Variants in ZSWIM8 observed in about 807,000 individuals in gnomAD.
The protein encoded by ZSWIM8 is zinc finger SWIM-type containing 8.
In ZSWIM8, 27 loss-of-function variants were observed where a neutral mutation model predicts 173.7. That is an observed-to-expected ratio of 0.16 (90% CI 0.11 to 0.21). The LOEUF is 0.21. ZSWIM8 is among the 10% of genes least tolerant of loss of function. The pLI is 1.00. For synonymous variants in ZSWIM8, 958 were observed against 962.0 expected (o/e 1.00, Z 0.08); for missense variants, 1,627 against 2,428.8 (o/e 0.67, Z 6.94).
chr10:73,787,239 C>G (rs1393049581), intron 1 of ZSWIM8, among the ~76,000 whole-genome samples: 1 of 152,142 alleles, frequency 6.6e-6, no homozygotes, highest in Admixed American at 6.5e-5. Context: ...CCACCGCTCC[C>G]GGCATATATA....
Position 73,798,330 on chromosome 10 carries a change from A to G in ZSWIM8, c.4053A>G (p.Ala1351=). ...AGGTTGCATCCCTGGCTGACAGGGC[A>G]TCACGGGCAAGAGACTCCAATATGG... ...PPEVASLADR[A]SRARDSNMVR... The change falls in exon 20 of 26, where the codon GCA becomes GCG. Residue 1351 remains alanine, a synonymous_variant. Transcript: ENST00000604729. The G allele has an allele frequency of 6.2e-7, 1 of 1,614,050 alleles. No homozygotes were observed. Among genetic ancestry groups the G allele is most frequent in the Non-Finnish European group, 8.5e-7 (1 of 1,179,900 alleles).
At chr10:73,795,485 C>T in intron 14 of ZSWIM8, 54 bp from the exon 15 acceptor site, 1 of 1,605,006 alleles carries the variant, frequency 6.2e-7, no homozygotes, top group Admixed American at 1.7e-5. Flanking sequence ...CTTACCTTTG[C>T]TGTCTTGGGA....
chr10:73,800,915 G>C lies in ZSWIM8; in HGVS notation c.5123-102G>C. The C allele has an allele frequency of 7.6e-7, 1 of 1,314,110 alleles. No homozygotes were observed. Among genetic ancestry groups the C allele is most frequent in the African/African-American group, 1.5e-5 (1 of 68,554 alleles). The allele number at this position is 1,314,110 out of a possible 1,614,324, so 81.4% of individuals were successfully genotyped here. A position where few individuals can be genotyped will look rare whatever the true frequency, so the allele number is the denominator to read the frequency against. On this transcript the variant is annotated intron_variant, in intron 24 of 25. Transcript: ENST00000604729. This position sits in a 1 kb window ranked among gnomAD's most constrained non-coding sequence, Gnocchi z 4.1. ...GCGGAGGGTTACCTCAGCTCCTGGG[G>C]TGGAGGGAGGCTCTCTGCCAGGCCA...
intron 20 of ZSWIM8, among the ~76,000 whole-genome samples, 200 bp from the exon 21 acceptor site, chr10:73,798,802 G>A (rs1198338882): frequency 6.6e-6 from 1 of 152,178 alleles, no homozygotes; most frequent in African/African-American, 2.4e-5. Flanking sequence ...ACTATAACCT[G>A]GGTCTTGACT....
chr10:73,785,671 A>G lies in ZSWIM8; in HGVS notation c.-208A>G, dbSNP rs764374768. The G allele has an allele frequency of 6.2e-6, 4 of 646,196 alleles. No individual in the cohort carries two copies. Among genetic ancestry groups the G allele is most frequent in the South Asian group, 6.2e-5 (4 of 64,900 alleles). 40.0% of individuals were successfully genotyped at this position (646,196 alleles called of 1,614,324 possible). A position where few individuals can be genotyped will look rare whatever the true frequency, so the allele number is the denominator to read the frequency against. On this transcript the variant is annotated 5_prime_UTR_variant, in exon 1 of 26. Transcript: ENST00000604729. ...CCCTAAGTCTCGGAGACTGGCCAAGATCACCGCTTGCACCGCGCTGTTGGG... is the reference window on the plus strand; with the variant it reads ...CCCTAAGTCTCGGAGACTGGCCAAGGTCACCGCTTGCACCGCGCTGTTGGG...
rs1367967173 is a variant in ZSWIM8, at chr10:73,792,813, T to A, written c.2274T>A (p.Phe758Leu). Residue 758 changes from phenylalanine to leucine, a missense_variant, in exon 10 of 26, where the codon TTT becomes TTA. Phe to Leu is a conservative substitution (Grantham distance 22). Coordinates refer to ENST00000604729, the MANE Select transcript of ZSWIM8 (RefSeq NM_001367799.1). This position sits in a 1 kb window ranked among gnomAD's most constrained non-coding sequence, Gnocchi z 4.3. ...GGGCTGGGGAGGAGCACGACCTGTT[T>A]GCTGGGCTGAAGCCACTGGAACAGG... ...EGGAGEEHDL[F>L]AGLKPLEQES... 1 of 1,594,816 alleles carries A rather than the reference T, an allele frequency of 6.3e-7. No homozygotes were observed. The highest frequency in any genetic ancestry group is 8.5e-7 in the Non-Finnish European group (1 of 1,174,694).
In ZSWIM8 at chr10:73,794,137, G is replaced by A; in HGVS notation, c.2626-10G>A. 8.7e-6 allele frequency: 14 copies of A among 1,613,752 alleles called. No homozygotes were observed. The highest frequency in any genetic ancestry group is 4.0e-5 in the African/African-American group (3 of 75,036). On this transcript the variant is annotated splice_polypyrimidine_tract_variant and intron_variant, in intron 12 of 25. Coordinates refer to ENST00000604729, the MANE Select transcript of ZSWIM8 (RefSeq NM_001367799.1). ...ACACCAGAGGTCTGAGCTCCTTCCT[G>A]TGCCCTCAGGTGAAGCTGGCATACC... is the stretch of plus-strand genomic sequence containing the variant.
chr10:73,799,898 GC>G, intron 21 of ZSWIM8, 112 bp from the exon 22 acceptor site: 1 of 1,100,984 alleles, frequency 9.1e-7, no homozygotes, highest in Non-Finnish European at 1.3e-6. Flanking sequence ...GGAGGACAGA[GC>G]GAGACTCTAT....
chr10:73,786,211 T>C, intron 1 of ZSWIM8, 125 bp downstream of exon 1: 1 of 1,127,136 alleles, frequency 8.9e-7, no homozygotes, highest in Admixed American at 3.2e-5. Context: ...AGGGGAGCTG[T>C]CCCCGGCCGG....
chr10:73,790,010 G>A lies in ZSWIM8; in HGVS notation c.793G>A (p.Ala265Thr), dbSNP rs757724803. 4.3e-6 allele frequency: 7 copies of A among 1,613,158 alleles called. 1 individual carries two copies. The highest frequency in any genetic ancestry group is 5.9e-6 in the Non-Finnish European group (7 of 1,179,638). ...LDELLSSQST[A>T]INTVCGAPDP... ...CGAACTCCTGTCTTCCCAGTCAACAGCCATCAATACAGTGTGTGGAGCTCC... is the reference window on the plus strand; with the variant it reads ...CGAACTCCTGTCTTCCCAGTCAACAACCATCAATACAGTGTGTGGAGCTCC... Residue 265 changes from alanine (A) to threonine (T), a missense_variant, in exon 6 of 26, where the codon GCC becomes ACC. Physicochemically the swap from Ala to Thr is moderately conservative, Grantham distance 58. Coordinates refer to ENST00000604729, the MANE Select transcript of ZSWIM8 (RefSeq NM_001367799.1).
chr10:73,791,931 C>T lies in ZSWIM8; in HGVS notation c.1392C>T (p.His464=), dbSNP rs367735436. 8.4e-6 allele frequency: 13 copies of T among 1,551,960 alleles called. No homozygotes were observed. The African/African-American group carries it at 1.5e-4, about 18-fold the overall frequency. The change falls in exon 10 of 26, where the codon CAC becomes CAT. Residue 464 remains histidine (H), a synonymous_variant. Coordinates refer to ENST00000604729, the MANE Select transcript of ZSWIM8 (RefSeq NM_001367799.1). The surrounding 1 kb of genome is among the most constrained non-coding windows in gnomAD (Gnocchi z 6.0). ...KVIENVKRGQ[H]KKTLERLFPG... is the part of the protein sequence containing the mutation. The stretch of plus-strand genomic sequence containing the variant: ...TTGAGAACGTCAAGCGGGGCCAACA[C>T]AAGAAGACGCTGGAGCGGCTCTTCC...
chr10:73,792,466 A>C lies in ZSWIM8; in HGVS notation c.1927A>C (p.Ser643Arg), dbSNP rs1316407859. Residue 643 changes from serine to arginine, a missense_variant, in exon 10 of 26, where the codon AGC becomes CGC. Transcript: ENST00000604729. The surrounding 1 kb of genome is among the most constrained non-coding windows in gnomAD (Gnocchi z 4.3). ...CAGCACCTTCGGGGGATTCCCTGAG[A>C]GCCCTCCACCCTGTCCTCTCCACGG... is the stretch of plus-strand genomic sequence containing the variant. ...EASTFGGFPE[S>R]PPPCPLHGGS... is the part of the protein sequence containing the mutation. 1.2e-6 allele frequency: 2 copies of C among 1,610,254 alleles called. No homozygotes were observed. The highest frequency in any genetic ancestry group is 1.7e-6 in the Non-Finnish European group (2 of 1,178,254).
rs755751007 is a variant in ZSWIM8 at position 73,793,686 on chromosome 10, A to C, written c.2412A>C (p.Pro804=). ...VELAQDLLAN[P]PDLKVEPPPA... ...TTGCCCAGGATCTGCTAGCCAACCC[A>C]CCCGACCTCAAGGTAGAGCCGCCCC... is the stretch of plus-strand genomic sequence containing the variant. The change falls in exon 11 of 26, where the codon CCA becomes CCC. Residue 804 remains proline (P), a synonymous_variant. Transcript: ENST00000604729. 3 of 1,612,956 alleles carry C rather than the reference A, an allele frequency of 1.9e-6. No individual in the cohort carries two copies. The highest frequency in any genetic ancestry group is 2.5e-6 in the Non-Finnish European group (3 of 1,179,504).
At chr10:73,796,716 A>C in intron 15 of ZSWIM8, 58 bp from the exon 16 acceptor site, 1 of 1,594,320 alleles carries the variant, frequency 6.3e-7, no homozygotes, top group Non-Finnish European at 8.5e-7. Context: ...AATAGAAGTC[A>C]GGAGCTAAAG....
In ZSWIM8 at chr10:73,785,856, C is replaced by A. The variant is rs1358693831; in HGVS notation, c.-23C>A. The A allele has an allele frequency of 5.4e-6, 8 of 1,477,720 alleles. No individual in the cohort carries two copies. In the East Asian group the frequency reaches 2.1e-4, roughly 38 times the overall value. 91.5% of individuals were successfully genotyped at this position (1,477,720 alleles called of 1,614,324 possible). ...GGCCCCGGATCCGCGGGGGGGGACC[C>A]GGCCCCGGGGGGTGCGGGCCCCATG... is the stretch of plus-strand genomic sequence containing the variant. On this transcript the variant is annotated 5_prime_UTR_variant, in exon 1 of 26. Coordinates refer to ENST00000604729, the MANE Select transcript of ZSWIM8 (RefSeq NM_001367799.1).
chr10:73,795,286 G>T (rs1281950755), intron 14 of ZSWIM8, among the ~76,000 whole-genome samples: 2 of 152,230 alleles, frequency 1.3e-5, no homozygotes, highest in African/African-American at 4.8e-5. Flanking sequence ...TCATGAGAAT[G>T]AGGAGGCCAG....
Position 73,789,034 on chromosome 10 carries a change from C to CT in ZSWIM8, c.363-61dup. On this transcript the variant is annotated intron_variant, in intron 2 of 25. Coordinates refer to ENST00000604729, the MANE Select transcript of ZSWIM8 (RefSeq NM_001367799.1). This position sits in a 1 kb window ranked among gnomAD's most constrained non-coding sequence, Gnocchi z 6.8. ...GAGAGTGCCTAGGGCATTGTGGTCT[C>CT]TGACAGGGTCTGCCAAAGGTTATTT... 1 of 1,485,858 alleles carries CT rather than the reference C, an allele frequency of 6.7e-7. No individual in the cohort carries two copies. The highest frequency in any genetic ancestry group is 9.2e-7 in the Non-Finnish European group (1 of 1,090,920). The allele number at this position is 1,485,858 out of a possible 1,614,324, so 92.0% of individuals were successfully genotyped here.
Position 73,792,717 on chromosome 10 carries a change from TGATGAC to T in ZSWIM8, c.2179_2184del (p.Asp727_Asp728del). On this transcript the variant is annotated inframe_deletion, in exon 10 of 26. Coordinates refer to ENST00000604729, the MANE Select transcript of ZSWIM8 (RefSeq NM_001367799.1). This position sits in a 1 kb window ranked among gnomAD's most constrained non-coding sequence, Gnocchi z 4.3. ...CAGCCCCTGCAGTTGGAGAGGAGGA[TGATGAC>T]TACCAGGCGTACTATCTGAATGCCC... The T allele has an allele frequency of 6.2e-7, 1 of 1,613,848 alleles. No homozygotes were observed. Among genetic ancestry groups the T allele is most frequent in the Non-Finnish European group, 8.5e-7 (1 of 1,179,886 alleles).
chr10:73,798,912 C>G, intron 20 of ZSWIM8, 90 bp from the exon 21 acceptor site: 2 of 1,498,584 alleles, frequency 1.3e-6, no homozygotes, highest in Non-Finnish European at 1.8e-6. Context: ...GGGAATGAGA[C>G]AGCTCTGAGG....
Sources: allele counts gnomAD v4.1 joint callset (sites outside exome capture counted in the v4.1 genomes callset), GRCh38; gene constraint gnomAD v4.1.1; non-coding constraint Gnocchi (gnomAD v3.1); transcripts MANE v1.5; gene names NCBI Gene and HGNC (gene_info 2026-07-23, HGNC 2026-07-21).